C8orf34: variants seen among roughly 807,000 people sequenced by gnomAD.
C8orf34 encodes the protein uncharacterized protein C8orf34.
In C8orf34, 65 loss-of-function variants were observed where a neutral mutation model predicts 68.3. The observed-to-expected ratio is 0.95, with a 90% CI of 0.78 to 1.17. The LOEUF is 1.17. Among genes scored for constraint, C8orf34 ranks in the 50% most tolerant of loss-of-function variants. The pLI is 0.00. For missense variants in C8orf34, 664 were observed against 655.4 expected, an observed-to-expected ratio of 1.01 and a Z score of -0.14; for synonymous variants, 244 against 241.2, an observed-to-expected ratio of 1.01 and a Z score of -0.11.
intron 7 of C8orf34, among the ~76,000 whole-genome samples, chr8:68,566,923 G>A (rs923773312): frequency 1.1e-4 from 17 of 152,172 alleles, no homozygotes; most frequent in African/African-American, 2.4e-4. Context: ...TTTATGTGGT[G>A]TATCACACTT....
intron 5 of C8orf34, among the ~76,000 whole-genome samples, chr8:68,499,984 T>G (rs1475311094): frequency 6.6e-6 from 1 of 152,132 alleles, no homozygotes; most frequent in Non-Finnish European, 1.5e-5. Flanking sequence ...TCTGGTTGTT[T>G]AAAAGTATGT....
intron 1 of C8orf34, among the ~76,000 whole-genome samples, chr8:68,361,137 G>T (rs1363537084): frequency 6.6e-6 from 1 of 152,132 alleles, no homozygotes; most frequent in Non-Finnish European, 1.5e-5. Flanking sequence ...AGGGTTAATT[G>T]TGGAGTGCCC....
At chr8:68,357,131 A>G (rs1321732823) in intron 1 of C8orf34, among the ~76,000 whole-genome samples, 1 of 152,124 alleles carries the variant, frequency 6.6e-6, no homozygotes, top group South Asian at 2.1e-4. Context: ...TATGTTTTGT[A>G]TAAAAAATAT....
At chr8:68,619,503 C>T (rs936661979) in intron 7 of C8orf34, among the ~76,000 whole-genome samples, 2 of 152,022 alleles carry the variant, frequency 1.3e-5, no homozygotes, top group Non-Finnish European at 2.9e-5. Context: ...GCCCTTGAAC[C>T]AATGTATTTT....
intron 8 of C8orf34, among the ~76,000 whole-genome samples, chr8:68,705,091 T>A (rs1283914936): frequency 6.6e-6 from 1 of 152,186 alleles, no homozygotes; most frequent in Non-Finnish European, 1.5e-5. Context: ...TGGTTAGCCA[T>A]GTGCAATGAG....
At chr8:68,525,953 TTTC>T (rs1814961962) in intron 6 of C8orf34, 3 of 241,406 alleles carry the variant, frequency 1.2e-5, no homozygotes, top group South Asian at 3.8e-5. Context: ...AATTTCTTTC[TTTC>T]TTTTTTTTTT....
At chr8:68,480,218 G>T (rs1199666902) in intron 4 of C8orf34, among the ~76,000 whole-genome samples, 1 of 152,136 alleles carries the variant, frequency 6.6e-6, no homozygotes, top group Non-Finnish European at 1.5e-5. Context: ...TAGTGAATAA[G>T]TCTCACAAGA....
intron 6 of C8orf34, among the ~76,000 whole-genome samples, chr8:68,525,239 A>C (rs1225394014): frequency 1.3e-5 from 2 of 152,206 alleles, no homozygotes; most frequent in Non-Finnish European, 2.9e-5. Context: ...ATATGCCATA[A>C]ATTCAAGTAG....
chr8:68,795,443 G>T (rs1239057781), intron 12 of C8orf34, among the ~76,000 whole-genome samples: 1 of 151,474 alleles, frequency 6.6e-6, no homozygotes, highest in Non-Finnish European at 1.5e-5. Context: ...TGGAAACTCT[G>T]GACTTCAGAC....
intron 1 of C8orf34, among the ~76,000 whole-genome samples, chr8:68,335,030 C>T (rs576026164): frequency 4.6e-5 from 7 of 152,188 alleles, no homozygotes; most frequent in Admixed American, 3.3e-4. Flanking sequence ...ATGCTCCTTG[C>T]GTTTATCAGA....
chr8:68,677,584 T>C (rs1418289583), intron 8 of C8orf34, among the ~76,000 whole-genome samples: 1 of 140,912 alleles, frequency 7.1e-6, no homozygotes, highest in Non-Finnish European at 1.5e-5. Flanking sequence ...CTCAAACTCC[T>C]GGGCTCAAGA....
At chr8:68,482,898 G>A (rs1002729271) in intron 4 of C8orf34, among the ~76,000 whole-genome samples, 16 of 152,046 alleles carry the variant, frequency 1.1e-4, no homozygotes, top group African/African-American at 3.9e-4. Context: ...CTCTATTTTT[G>A]TATTGAATTT....
chr8:68,644,758 G>GCCA (rs1819115188), intron 8 of C8orf34, among the ~76,000 whole-genome samples: 1 of 152,130 alleles, frequency 6.6e-6, no homozygotes, highest in Non-Finnish European at 1.5e-5. Flanking sequence ...AGTCTTGAGA[G>GCCA]CCAGGTAATC....
At chr8:68,467,926 T>TA (rs1792341333) in intron 3 of C8orf34, among the ~76,000 whole-genome samples, 2 of 151,780 alleles carry the variant, frequency 1.3e-5, no homozygotes, top group Admixed American at 1.3e-4. Context: ...AACCATTTTT[T>TA]AAAAAAAATA....
At chr8:68,465,892 G>T (rs1338543663) in intron 3 of C8orf34, among the ~76,000 whole-genome samples, 2 of 151,572 alleles carry the variant, frequency 1.3e-5, no homozygotes, top group East Asian at 3.9e-4. Flanking sequence ...CATGGCACAT[G>T]TATACATATG....
In C8orf34 at chr8:68,464,486, C is replaced by T. The variant is rs1183460799; in HGVS notation, c.608-4206C>T. Among the ~76,000 whole-genome samples, 22 of 151,506 alleles carry T rather than the reference C, an allele frequency of 1.5e-4. No individual in the cohort carries two copies. The South Asian group carries it at 2.3e-3, about 16-fold the overall frequency. On this transcript the variant is annotated intron_variant, in intron 3 of 13. Coordinates refer to ENST00000518698, the MANE Select transcript of C8orf34 (RefSeq NM_052958.4). ...TATGGAACCAAAAAAGAGCCCGCATCGCCAAGTCAATCCTAAGCCAAAAGA... is the reference window on the plus strand; with the variant it reads ...TATGGAACCAAAAAAGAGCCCGCATTGCCAAGTCAATCCTAAGCCAAAAGA...
chr8:68,408,246 C>T (rs540216147), intron 1 of C8orf34, among the ~76,000 whole-genome samples: 1 of 151,690 alleles, frequency 6.6e-6, no homozygotes, highest in African/African-American at 2.4e-5. Context: ...TCTCCCATCA[C>T]CCCCAGATGG....
chr8:68,372,270 C>T (rs1441741371), intron 1 of C8orf34, among the ~76,000 whole-genome samples: 1 of 152,088 alleles, frequency 6.6e-6, no homozygotes, highest in East Asian at 1.9e-4. Flanking sequence ...ACTGAAAAAG[C>T]AAACAGGGAA....
chr8:68,472,794 AT>A (rs1308032655), intron 4 of C8orf34, among the ~76,000 whole-genome samples: 1 of 152,190 alleles, frequency 6.6e-6, no homozygotes, highest in Non-Finnish European at 1.5e-5. Flanking sequence ...TGTATTCCAT[AT>A]AAAAAATTTT....
Sources: allele counts gnomAD v4.1 joint callset (sites outside exome capture counted in the v4.1 genomes callset), GRCh38; gene constraint gnomAD v4.1.1; transcripts MANE v1.5; gene names NCBI Gene and HGNC (gene_info 2026-07-23, HGNC 2026-07-21).